GALNT1: variants seen among roughly 807,000 people sequenced by gnomAD.
GALNT1 encodes polypeptide N-acetylgalactosaminyltransferase 1.
A neutral mutation model predicts 65.7 loss-of-function variants in GALNT1; 17 were observed. The observed-to-expected ratio is 0.26, with a 90% confidence interval of 0.18 to 0.39. The LOEUF is 0.39. Among genes scored for constraint, GALNT1 ranks in the 10% least tolerant of loss-of-function variants. The probability of loss-of-function intolerance (pLI) is 1.00; values close to 1 mark genes in which losing one functional copy is unlikely to be tolerated. For synonymous variants in GALNT1, 210 were observed against 219.7 expected (o/e 0.96, Z 0.39); for missense variants, 460 against 672.8 (o/e 0.68, Z 3.50).
chr18:35,649,226 G>A (rs953903701), intron 1 of GALNT1, among the ~76,000 whole-genome samples: 1 of 152,056 alleles, frequency 6.6e-6, no homozygotes, highest in South Asian at 2.1e-4. Flanking sequence ...AGCACTTGTT[G>A]TTTTTCTTTT....
chr18:35,619,774 A>G (rs2046828870), intron 1 of GALNT1, among the ~76,000 whole-genome samples: 1 of 152,222 alleles, frequency 6.6e-6, no homozygotes, highest in Non-Finnish European at 1.5e-5. Flanking sequence ...CTCATAGAGT[A>G]TACATGTTGT....
At chr18:35,654,187 G>A (rs1450966630) in intron 1 of GALNT1, among the ~76,000 whole-genome samples, 1 of 152,188 alleles carries the variant, frequency 6.6e-6, no homozygotes, top group Non-Finnish European at 1.5e-5. Flanking sequence ...TTTGATGGGT[G>A]TGAAATAGTA....
At chr18:35,649,328 G>GA (rs1279046748) in intron 1 of GALNT1, among the ~76,000 whole-genome samples, 2 of 152,128 alleles carry the variant, frequency 1.3e-5, no homozygotes, top group African/African-American at 4.8e-5. Context: ...TTTGCCATCT[G>GA]AAAAAAGTGT....
At chr18:35,607,214 T>G (rs566686624) in intron 1 of GALNT1, among the ~76,000 whole-genome samples, 1 of 152,198 alleles carries the variant, frequency 6.6e-6, no homozygotes, top group Non-Finnish European at 1.5e-5. Flanking sequence ...CGTAGGCAGT[T>G]TGAGGCAATC....
intron 2 of GALNT1, among the ~76,000 whole-genome samples, 190 bp downstream of exon 2, chr18:35,654,991 A>G (rs563457153): frequency 4.6e-5 from 7 of 152,306 alleles, no homozygotes; most frequent in Non-Finnish European, 1.5e-5. Context: ...AAAGTATCAT[A>G]TATAGAATTG....
chr18:35,698,265 C>T (rs949663608), intron 9 of GALNT1, among the ~76,000 whole-genome samples: 1 of 151,826 alleles, frequency 6.6e-6, no homozygotes, highest in African/African-American at 2.4e-5. Context: ...ATCAGGAGTT[C>T]GAGACCAGCC....
intron 1 of GALNT1, among the ~76,000 whole-genome samples, chr18:35,598,128 C>T (rs957888090): frequency 5.3e-5 from 8 of 150,176 alleles, no homozygotes; most frequent in Non-Finnish European, 1.0e-4. Context: ...CTGCAGCCTC[C>T]GGATTCAAGC....
At chr18:35,636,322 C>T (rs1485941988) in intron 1 of GALNT1, among the ~76,000 whole-genome samples, 5 of 152,106 alleles carry the variant, frequency 3.3e-5, no homozygotes, top group Non-Finnish European at 7.3e-5. Context: ...GTTATTGGTC[C>T]TGCAATAACA....
chr18:35,684,491 A>T (rs984934607), intron 5 of GALNT1, among the ~76,000 whole-genome samples: 1 of 152,188 alleles, frequency 6.6e-6, no homozygotes, highest in African/African-American at 2.4e-5. Flanking sequence ...TAAATAATAG[A>T]TGACGTTTTA....
intron 1 of GALNT1, among the ~76,000 whole-genome samples, chr18:35,613,963 A>C (rs2046751086): frequency 1.3e-5 from 2 of 152,292 alleles, no homozygotes; most frequent in Admixed American, 1.3e-4. Flanking sequence ...CTGGAGAAAT[A>C]CAGGAACACA....
intron 2 of GALNT1, among the ~76,000 whole-genome samples, chr18:35,659,401 G>A (rs562910336): frequency 2.6e-5 from 4 of 152,206 alleles, no homozygotes; most frequent in East Asian, 1.9e-4. Flanking sequence ...TTTCTGAGTC[G>A]TTCTCTTAAG....
intron 1 of GALNT1, among the ~76,000 whole-genome samples, chr18:35,602,310 C>T (rs1467136013): frequency 6.6e-6 from 1 of 152,084 alleles, no homozygotes; most frequent in East Asian, 1.9e-4. Flanking sequence ...TGTCCTTGAC[C>T]TTTGAGAGTT....
At chr18:35,652,811 C>A (rs917433958) in intron 1 of GALNT1, among the ~76,000 whole-genome samples, 3 of 152,178 alleles carry the variant, frequency 2.0e-5, no homozygotes, top group African/African-American at 7.2e-5. Flanking sequence ...TAATTGTGCA[C>A]CCTTGCGAAA....
chr18:35,616,941 C>T (rs1430925290), intron 1 of GALNT1, among the ~76,000 whole-genome samples: 1 of 152,084 alleles, frequency 6.6e-6, no homozygotes, highest in Non-Finnish European at 1.5e-5. Flanking sequence ...TCTCTAATGC[C>T]TAAGCCACTG....
chr18:35,606,597 A>G (rs1462349038), intron 1 of GALNT1, among the ~76,000 whole-genome samples: 1 of 152,182 alleles, frequency 6.6e-6, no homozygotes, highest in Non-Finnish European at 1.5e-5. Flanking sequence ...GGAGGTACAG[A>G]CTTTTCCCTT....
At chr18:35,589,292 A>G (rs1202621131) in intron 1 of GALNT1, among the ~76,000 whole-genome samples, 1 of 152,248 alleles carries the variant, frequency 6.6e-6, no homozygotes. Flanking sequence ...GGCCTTCTCA[A>G]CACCACCCTG....
At chr18:35,581,539 G>GT (rs1555644061), upstream of GALNT1, among the ~76,000 whole-genome samples, 2 of 142,266 alleles carry the variant, frequency 1.4e-5, no homozygotes, top group South Asian at 4.4e-4. Flanking sequence ...GCCTGCGGGC[G>GT]CCCTGCGGCG....
chr18:35,685,311 A>G (rs568183445), intron 5 of GALNT1, among the ~76,000 whole-genome samples: 2 of 152,324 alleles, frequency 1.3e-5, no homozygotes, highest in South Asian at 2.1e-4. Flanking sequence ...AATTCGTTTA[A>G]TACATCCCAT....
intron 1 of GALNT1, among the ~76,000 whole-genome samples, chr18:35,589,446 T>A (rs2046417887): frequency 6.6e-6 from 1 of 152,166 alleles, no homozygotes; most frequent in African/African-American, 2.4e-5. Context: ...TTTTTTCCTA[T>A]CAGTTTTCTG....
Sources: allele counts gnomAD v4.1 joint callset (sites outside exome capture counted in the v4.1 genomes callset), GRCh38; gene constraint gnomAD v4.1.1; transcripts MANE v1.5; gene names NCBI Gene and HGNC (gene_info 2026-07-23, HGNC 2026-07-21).